Variants in APBB2 observed in about 807,000 individuals in gnomAD.
APBB2 encodes Fe65-like 1.
In APBB2, 38 loss-of-function variants were observed where a neutral mutation model predicts 82.5. The observed-to-expected ratio is 0.46, with a 90% CI of 0.36 to 0.60. The LOEUF (loss-of-function observed/expected upper bound fraction) is 0.60. Ranked by LOEUF, APBB2 falls within the 20% of genes least tolerant of loss-of-function variation. The pLI is 0.00. For missense variants in APBB2, 772 were observed against 972.3 expected, an observed-to-expected ratio of 0.79 and a Z score of 2.74; for synonymous variants, 341 against 368.2, an observed-to-expected ratio of 0.93 and a Z score of 0.85.
chr4:41,036,954 C>T (rs374713968), intron 4 of APBB2, among the ~76,000 whole-genome samples: 2 of 152,174 alleles, frequency 1.3e-5, no homozygotes, highest in African/African-American at 4.8e-5. Context: ...TAGGCAAACA[C>T]TATACAAATG....
chr4:41,209,459 T>C (rs1474837361), intron 1 of APBB2, among the ~76,000 whole-genome samples: 4 of 152,214 alleles, frequency 2.6e-5, no homozygotes, highest in African/African-American at 9.6e-5. Flanking sequence ...GTGACAGGGC[T>C]AACGTCAAAT....
chr4:40,855,246 T>C (rs893812515), intron 12 of APBB2, among the ~76,000 whole-genome samples: 3 of 152,186 alleles, frequency 2.0e-5, no homozygotes, highest in South Asian at 2.1e-4. Flanking sequence ...CACGCCAGCA[T>C]AGTGTGAGCT....
chr4:40,821,136 G>A (rs1747777446), intron 17 of APBB2, among the ~76,000 whole-genome samples: 1 of 152,226 alleles, frequency 6.6e-6, no homozygotes, highest in Non-Finnish European at 1.5e-5. Context: ...AGAGTGTTGG[G>A]ATTACAGGCG....
At chr4:40,940,075 T>C (rs527704652) in intron 7 of APBB2, among the ~76,000 whole-genome samples, 2 of 152,206 alleles carry the variant, frequency 1.3e-5, no homozygotes, top group African/African-American at 4.8e-5. Context: ...AATGTCGTCA[T>C]GTACTGGGCC....
intron 2 of APBB2, among the ~76,000 whole-genome samples, chr4:41,121,916 T>G (rs959048093): frequency 1.3e-5 from 2 of 151,816 alleles, no homozygotes; most frequent in African/African-American, 4.8e-5. Flanking sequence ...TGTGTATGTG[T>G]GTATGTGTGT....
chr4:40,825,772 G>C, intron 15 of APBB2, 115 bp downstream of exon 15: 2 of 775,886 alleles, frequency 2.6e-6, no homozygotes, highest in Admixed American at 3.8e-5. Flanking sequence ...GTGACAGTTT[G>C]ATTCAAGACA....
intron 3 of APBB2, among the ~76,000 whole-genome samples, chr4:41,082,691 T>C (rs1313595581): frequency 6.6e-6 from 1 of 151,986 alleles, no homozygotes; most frequent in African/African-American, 2.4e-5. Context: ...TCTCCAAAGT[T>C]ATATTTCATA....
At chr4:41,104,743 T>C (rs1746586712) in intron 2 of APBB2, among the ~76,000 whole-genome samples, 1 of 152,196 alleles carries the variant, frequency 6.6e-6, no homozygotes, top group South Asian at 2.1e-4. Flanking sequence ...CAAGCGAGAA[T>C]GTGTGGTATT....
rs78450970 is a variant in APBB2, at chr4:41,051,154, G to A, written c.-51+14422C>T. 6.8e-3 allele frequency among the ~76,000 whole-genome samples: 1,036 copies of A among 152,266 alleles called. 15 individuals carry two copies. Among genetic ancestry groups the A allele is most frequent in the Middle Eastern group, 0.024 (7 of 294 alleles). On this transcript the variant is annotated intron_variant, in intron 4 of 17. Transcript: ENST00000508593. ...AACAAAGGCGGGTCTCTAAAATGCAGACACACACCCATCCCCTCCTCCTGA... is the reference window on the plus strand; with the variant it reads ...AACAAAGGCGGGTCTCTAAAATGCAAACACACACCCATCCCCTCCTCCTGA...
chr4:41,065,111 A>G (rs1019240766), intron 4 of APBB2, among the ~76,000 whole-genome samples: 6 of 151,992 alleles, frequency 3.9e-5, no homozygotes, highest in Non-Finnish European at 5.9e-5. Flanking sequence ...ACACAGCAAG[A>G]CCCCATCTCT....
At chr4:40,949,004 C>T (rs1026303428) in intron 6 of APBB2, among the ~76,000 whole-genome samples, 3 of 151,400 alleles carry the variant, frequency 2.0e-5, no homozygotes, top group African/African-American at 7.3e-5. Flanking sequence ...GAAGGCCAGG[C>T]ACGGTGGCTC....
At chr4:40,911,109 T>C (rs543993502) in intron 10 of APBB2, among the ~76,000 whole-genome samples, 2 of 152,356 alleles carry the variant, frequency 1.3e-5, no homozygotes, top group South Asian at 2.1e-4. Flanking sequence ...GGGTTGACCC[T>C]TGAACAACAT....
intron 10 of APBB2, among the ~76,000 whole-genome samples, chr4:40,926,566 CT>C (rs1412666123): frequency 1.3e-5 from 2 of 152,250 alleles, no homozygotes; most frequent in Non-Finnish European, 2.9e-5. Context: ...ATTCTCCTGC[CT>C]CAGCCTCCCA....
chr4:41,162,826 T>C (rs1479598455), intron 1 of APBB2, among the ~76,000 whole-genome samples: 1 of 152,132 alleles, frequency 6.6e-6, no homozygotes, highest in Non-Finnish European at 1.5e-5. Flanking sequence ...ACCACTTCAC[T>C]CTAGCCTGGG....
chr4:41,201,128 A>T (rs1222547805), intron 1 of APBB2, among the ~76,000 whole-genome samples: 2 of 152,220 alleles, frequency 1.3e-5, no homozygotes, highest in African/African-American at 4.8e-5. Context: ...TTAAACACTG[A>T]CCTTTATAAT....
At chr4:40,884,132 G>A (rs560812673) in intron 12 of APBB2, among the ~76,000 whole-genome samples, 1 of 152,268 alleles carries the variant, frequency 6.6e-6, no homozygotes, top group African/African-American at 2.4e-5. Flanking sequence ...ACCATCTCTT[G>A]TCAAGATGAA....
At chr4:41,008,457 ATTAT>A (rs146663781) in intron 6 of APBB2, among the ~76,000 whole-genome samples, 30,747 of 152,032 alleles carry the variant, frequency 0.2, 3,464 homozygotes, top group Non-Finnish European at 0.26. Flanking sequence ...TCAGTGTGTC[ATTAT>A]TTATTTATTA....
chr4:40,897,328 A>T (rs1189972242), intron 10 of APBB2, among the ~76,000 whole-genome samples: 1 of 152,142 alleles, frequency 6.6e-6, no homozygotes, highest in Non-Finnish European at 1.5e-5. Flanking sequence ...ACATGGTGAA[A>T]CCCCGTTTCT....
Position 40,815,739 on chromosome 4 carries a change from C to T in APBB2, c.*353G>A, listed in dbSNP as rs1021757485. 9.1e-6 allele frequency: 2 copies of T among 220,538 alleles called. No homozygotes were observed. The highest frequency in any genetic ancestry group is 1.8e-5 in the Non-Finnish European group (2 of 108,308). 13.7% of individuals were successfully genotyped at this position (220,538 alleles called of 1,614,324 possible). A position where few individuals can be genotyped will look rare whatever the true frequency, so the allele number is the denominator to read the frequency against. ...CCAGCCAAGAAGACAGTGAAACTAA[C>T]TCACGCATCATTCATTCCAAGGACG... On this transcript the variant is annotated 3_prime_UTR_variant, in exon 18 of 18. Transcript: ENST00000508593.
Sources: allele counts gnomAD v4.1 joint callset (sites outside exome capture counted in the v4.1 genomes callset), GRCh38; gene constraint gnomAD v4.1.1; transcripts MANE v1.5; gene names NCBI Gene and HGNC (gene_info 2026-07-23, HGNC 2026-07-21).